NBAS: variants seen among roughly 807,000 people sequenced by gnomAD.
The protein encoded by NBAS is NAG/BC035112 fusion.
In NBAS, 219 loss-of-function variants were observed where a neutral mutation model predicts 302.5. The observed-to-expected ratio is 0.72, with a 90% CI of 0.65 to 0.81. The LOEUF is 0.81. NBAS is among the 30% of genes least tolerant of loss of function. The probability of loss-of-function intolerance (pLI) is 0.00; values close to 1 mark genes in which losing one functional copy is unlikely to be tolerated. For synonymous variants in NBAS, 1,118 were observed against 1,021.6 expected, an observed-to-expected ratio of 1.09 and a Z score of -1.80; for missense variants, 2,932 against 2,841.6, an observed-to-expected ratio of 1.03 and a Z score of -0.72.
chr2:15,310,934 T>C (rs1021591693), intron 38 of NBAS, among the ~76,000 whole-genome samples: 1 of 152,168 alleles, frequency 6.6e-6, no homozygotes, highest in Admixed American at 6.5e-5. Flanking sequence ...AATCTATACA[T>C]ATATAATGAA....
chr2:15,500,277 T>C (rs1661444951), intron 11 of NBAS, among the ~76,000 whole-genome samples: 3 of 152,144 alleles, frequency 2.0e-5, no homozygotes, highest in Admixed American at 2.0e-4. Context: ...TCTGAAGTAC[T>C]ACATATTCTT....
chr2:14,781,382 G>GT, the NBAS span, among the ~76,000 whole-genome samples: 6 of 151,918 alleles, frequency 3.9e-5, no homozygotes, highest in East Asian at 9.7e-4. Flanking sequence ...TTTAATGACG[G>GT]TTTTATGCCT....
chr2:14,833,103 G>T, the NBAS span, among the ~76,000 whole-genome samples: 1 of 152,186 alleles, frequency 6.6e-6, no homozygotes, highest in Non-Finnish European at 1.5e-5. Context: ...GAATCTTTAA[G>T]ACTGTAGGAA....
At chr2:15,541,974 C>T (rs1257900557) in intron 6 of NBAS, among the ~76,000 whole-genome samples, 1 of 74,118 alleles carries the variant, frequency 1.3e-5, no homozygotes, top group Admixed American at 1.3e-4. Flanking sequence ...GCCCCCCGAC[C>T]GGCCAGCCAC....
At chr2:15,445,498 A>G (rs1296271190) in intron 21 of NBAS, among the ~76,000 whole-genome samples, 1 of 107,332 alleles carries the variant, frequency 9.3e-6, no homozygotes, top group Non-Finnish European at 1.8e-5. Flanking sequence ...CACTCTGGGG[A>G]CTGTTGTGGG....
chr2:14,806,433 A>C, the NBAS span, among the ~76,000 whole-genome samples: 3 of 152,196 alleles, frequency 2.0e-5, no homozygotes, highest in Non-Finnish European at 4.4e-5. Context: ...TCTATCCTTC[A>C]GAACAAAGAT....
the NBAS span, among the ~76,000 whole-genome samples, chr2:14,801,419 T>G: frequency 6.6e-6 from 1 of 152,218 alleles, no homozygotes; most frequent in Non-Finnish European, 1.5e-5. Flanking sequence ...TTTTTTATTC[T>G]GCAATGATTA....
At chr2:15,290,654 G>A (rs1161687159) in intron 41 of NBAS, among the ~76,000 whole-genome samples, 1 of 152,188 alleles carries the variant, frequency 6.6e-6, no homozygotes, top group Non-Finnish European at 1.5e-5. Flanking sequence ...GTGACTTTGA[G>A]CAACTCTTTA....
intron 29 of NBAS, 122 bp from the exon 30 acceptor site, chr2:15,379,953 G>C: frequency 1.3e-6 from 1 of 799,120 alleles, no homozygotes. Flanking sequence ...GGTGGTGGCT[G>C]CACAGCACTG....
At chr2:15,554,026 C>T in intron 4 of NBAS, 35 bp downstream of exon 4, 1 of 1,520,166 alleles carries the variant, frequency 6.6e-7, no homozygotes, top group Non-Finnish European at 8.9e-7. Context: ...AAAGCTAATC[C>T]AGACAGAAAA....
At chr2:14,856,391 A>G in the NBAS span, among the ~76,000 whole-genome samples, 1 of 152,218 alleles carries the variant, frequency 6.6e-6, no homozygotes, top group African/African-American at 2.4e-5. Flanking sequence ...AACAGACAAC[A>G]AAGATCATCT....
At chr2:14,972,030 A>C in the NBAS span, among the ~76,000 whole-genome samples, 1 of 152,130 alleles carries the variant, frequency 6.6e-6, no homozygotes, top group African/African-American at 2.4e-5. Context: ...CTCACCATGC[A>C]TAACACAGAG....
chr2:15,424,211 C>A (rs977341449), intron 23 of NBAS, 104 bp downstream of exon 23: 2 of 1,282,436 alleles, frequency 1.6e-6, no homozygotes, highest in Admixed American at 1.7e-5. Context: ...CAATTATATA[C>A]ATGATTCCTG....
chr2:14,807,417 T>A, the NBAS span, among the ~76,000 whole-genome samples: 1 of 151,568 alleles, frequency 6.6e-6, no homozygotes, highest in African/African-American at 2.4e-5. Flanking sequence ...CTCTTTACAT[T>A]CTCTTAAAGA....
At chr2:15,060,546 G>A in the NBAS span, among the ~76,000 whole-genome samples, 1 of 152,142 alleles carries the variant, frequency 6.6e-6, no homozygotes, top group Non-Finnish European at 1.5e-5. Flanking sequence ...CACAGGGCAA[G>A]CCTCCTGCTC....
At chr2:15,547,626 T>C (rs182497386) in intron 6 of NBAS, among the ~76,000 whole-genome samples, 500 of 152,318 alleles carry the variant, frequency 3.3e-3, no homozygotes, top group Middle Eastern at 6.8e-3. Flanking sequence ...AGGTATCTAA[T>C]GCCGAAGCTC....
chr2:14,954,336 G>A, the NBAS span, among the ~76,000 whole-genome samples: 16,811 of 152,136 alleles, frequency 0.11, 1,049 homozygotes, highest in South Asian at 0.17. Flanking sequence ...CTGCACGGGG[G>A]AATCAAGGCA....
chr2:15,353,658 G>A lies in NBAS; in HGVS notation c.3984C>T (p.Tyr1328=). Residue 1328 remains tyrosine (Y), a synonymous_variant, in exon 34 of 52, where the codon TAC becomes TAT. Transcript: ENST00000281513. ...GCTCTTGACGAGTGGCCAAGTCCTGGTAACCTTCTGATTGTCCTAACTGGC... is the reference window on the plus strand; with the variant it reads ...GCTCTTGACGAGTGGCCAAGTCCTGATAACCTTCTGATTGTCCTAACTGGC... The part of the protein sequence containing the change: ...VCSQLGQSEG[Y]QDLATRQELM... The A allele has an allele frequency of 1.9e-6, 3 of 1,614,054 alleles. No individual in the cohort carries two copies. Among genetic ancestry groups the A allele is most frequent in the Non-Finnish European group, 2.5e-6 (3 of 1,179,962 alleles).
chr2:15,279,574 T>C (rs1349316512), intron 42 of NBAS, among the ~76,000 whole-genome samples: 1 of 152,202 alleles, frequency 6.6e-6, no homozygotes, highest in African/African-American at 2.4e-5. Context: ...CTTTAGTTCA[T>C]CTATGTTTGA....
Sources: allele counts gnomAD v4.1 joint callset (sites outside exome capture counted in the v4.1 genomes callset), GRCh38; gene constraint gnomAD v4.1.1; transcripts MANE v1.5; gene names NCBI Gene and HGNC (gene_info 2026-07-23, HGNC 2026-07-21).